RSPO1: variants seen among roughly 807,000 people sequenced by gnomAD.
RSPO1 encodes R-spondin 1, also known as R-spondin-1.
RSPO1 carries 18 observed loss-of-function variants against 26.0 expected under a neutral mutation model. That is an observed-to-expected ratio of 0.69 (90% CI 0.48 to 1.03). The LOEUF is 1.03. Ranked by LOEUF, RSPO1 falls within the 50% of genes least tolerant of loss-of-function variation. RSPO1 has a pLI of 0.00. For missense variants in RSPO1, 309 were observed against 352.3 expected (o/e 0.88, Z 0.98); for synonymous variants, 133 against 137.4 (o/e 0.97, Z 0.22).
At chr1:37,630,343 T>C (rs1223149279) in intron 2 of RSPO1, among the ~76,000 whole-genome samples, 2 of 151,332 alleles carry the variant, frequency 1.3e-5, no homozygotes, top group Non-Finnish European at 3.0e-5. Context: ...TCTCTCTCTG[T>C]CCTTGCATGA....
At position 37,612,502 on chromosome 1, in the gene RSPO1, G is replaced by GTGTA; in HGVS notation, c.*252_*253insTACA. ...GAAGTGTCTTCTGGTGGCCTCAGGT[G>GTGTA]TGTGTGTGTGTGTGTGTGTATGTGT... On this transcript the variant is annotated 3_prime_UTR_variant, in exon 7 of 7. Coordinates refer to ENST00000356545, the MANE Select transcript of RSPO1 (RefSeq NM_001242908.2). 1 of 557,926 alleles carries GTGTA rather than the reference G, an allele frequency of 1.8e-6. No homozygotes were observed. The highest frequency in any genetic ancestry group is 3.2e-6 in the Non-Finnish European group (1 of 309,250). The allele number at this position is 557,926 out of a possible 1,614,324, so 34.6% of individuals were successfully genotyped here. A position where few individuals can be genotyped will look rare whatever the true frequency, so the allele number is the denominator to read the frequency against.
rs1025798090 is a variant in RSPO1, at chr1:37,629,594, C to A, written c.68G>T (p.Gly23Val). 2.5e-6 allele frequency: 4 copies of A among 1,614,152 alleles called. No individual in the cohort carries two copies. In the Admixed American group the frequency reaches 6.7e-5, roughly 27 times the overall value. Residue 23 changes from glycine (G) to valine (V), a missense_variant, in exon 3 of 7, where the codon GGG (glycine) becomes GTG (valine). Physicochemically the swap from Gly to Val is moderately radical, Grantham distance 109 (BLOSUM62 -3). Transcript: ENST00000356545. ...CCGCCTCTGCCTTTTCCCCTTGATC[C>A]CCCGGCTGCTGATGGTGAGGTGCGT... ...SWTHLTISSRGIKGKRQRRIS... is the reference protein window; with the variant it reads ...SWTHLTISSRVIKGKRQRRIS...
intron 2 of RSPO1, among the ~76,000 whole-genome samples, chr1:37,630,978 A>G (rs1334814917): frequency 5.3e-5 from 8 of 152,028 alleles, no homozygotes; most frequent in Admixed American, 5.2e-4. Flanking sequence ...TTTCACATCT[A>G]TAAAATGGGG....
intron 3 of RSPO1, among the ~76,000 whole-genome samples, chr1:37,626,629 G>C (rs1644280320): frequency 6.6e-6 from 1 of 152,182 alleles, no homozygotes; most frequent in African/African-American, 2.4e-5. Flanking sequence ...TTCAGTGAGG[G>C]ATGAGGGACT....
chr1:37,619,562 A>G (rs1027461617), intron 3 of RSPO1, among the ~76,000 whole-genome samples: 7 of 152,228 alleles, frequency 4.6e-5, no homozygotes, highest in African/African-American at 1.7e-4. Flanking sequence ...AGGAAGGAAG[A>G]TGATAACAAA....
intron 3 of RSPO1, among the ~76,000 whole-genome samples, chr1:37,621,458 T>G: frequency 6.7e-6 from 1 of 148,330 alleles, no homozygotes; most frequent in Non-Finnish European, 1.5e-5. Context: ...GGGGAGGGAG[T>G]AGACACACGT....
At chr1:37,617,323 CAAA>C (rs1287232618) in intron 3 of RSPO1, among the ~76,000 whole-genome samples, 1 of 152,016 alleles carries the variant, frequency 6.6e-6, no homozygotes, top group Non-Finnish European at 1.5e-5. Flanking sequence ...TCATTTGGTC[CAAA>C]ATGTTAATGA....
In RSPO1 at chr1:37,614,293, G is replaced by T. The variant is rs758254840; in HGVS notation, c.327C>A (p.Asn109Lys). 4 of 1,613,924 alleles carry T rather than the reference G, an allele frequency of 2.5e-6. No homozygotes were observed. Among genetic ancestry groups the T allele is most frequent in the Non-Finnish European group, 3.4e-6 (4 of 1,180,048 alleles). Residue 109 changes from asparagine to lysine, a missense_variant, in exon 5 of 7, where the codon AAC becomes AAA. Coordinates refer to ENST00000356545, the MANE Select transcript of RSPO1 (RefSeq NM_001242908.2). ...IEHCEACFSH[N>K]FCTKCKEGLY... ...AGCCCTCCTTACACTTGGTGCAGAA[G>T]TTATGGCTGAAGCAGGCCTCACAGT...
intron 3 of RSPO1, among the ~76,000 whole-genome samples, chr1:37,627,068 G>A (rs1023794363): frequency 6.6e-6 from 1 of 152,134 alleles, no homozygotes; most frequent in Admixed American, 6.5e-5. Flanking sequence ...TCCGAAATCA[G>A]ACATGGCTTC....
intron 3 of RSPO1, among the ~76,000 whole-genome samples, chr1:37,624,228 C>T (rs187873964): frequency 3.3e-5 from 5 of 152,196 alleles, no homozygotes; most frequent in African/African-American, 1.2e-4. Context: ...TGAGACCAGC[C>T]TTGGCAACAT....
rs141852811 is a variant in RSPO1, at chr1:37,627,247, T to C, written c.94+2321A>G. On this transcript the variant is annotated intron_variant, in intron 3 of 6. Transcript: ENST00000356545. ...CCAGTGCCCTTCCACGCTTGTCTTA[T>C]CGAGAGGCCAGGCACACACAGCTGT... Among the ~76,000 whole-genome samples the C allele has an allele frequency of 9.6e-4, 146 of 152,172 alleles. 2 individuals carry two copies. The East Asian group carries it at 0.026, about 27-fold the overall frequency.
intron 2 of RSPO1, among the ~76,000 whole-genome samples, chr1:37,631,479 TGA>T (rs1274964977): frequency 6.6e-6 from 1 of 152,216 alleles, no homozygotes; most frequent in African/African-American, 2.4e-5. Flanking sequence ...GATGTCCAGT[TGA>T]GTTTATCAAA....
Position 37,614,279 on chromosome 1 carries a change from C to T in RSPO1, c.341G>A (p.Cys114Tyr). 1.2e-6 allele frequency: 2 copies of T among 1,613,932 alleles called. No homozygotes were observed. The highest frequency in any genetic ancestry group is 1.7e-6 in the Non-Finnish European group (2 of 1,180,046). The change falls in exon 5 of 7, where the codon TGT (cysteine) becomes TAT (tyrosine). Residue 114 changes from cysteine (C) to tyrosine (Y), a missense_variant. Physicochemically the swap from Cys to Tyr is radical, Grantham distance 194 (BLOSUM62 -2). Transcript: ENST00000356545. The part of the protein sequence containing the change: ...ACFSHNFCTK[C>Y]KEGLYLHKGR... ...CTTGTGCAGGTACAAGCCCTCCTTACACTTGGTGCAGAAGTTATGGCTGAA... is the reference window on the plus strand; with the variant it reads ...CTTGTGCAGGTACAAGCCCTCCTTATACTTGGTGCAGAAGTTATGGCTGAA...
intron 3 of RSPO1, among the ~76,000 whole-genome samples, chr1:37,617,126 T>C (rs1161511739): frequency 3.3e-5 from 5 of 152,070 alleles, no homozygotes; most frequent in African/African-American, 7.2e-5. Flanking sequence ...ACAAAGACAA[T>C]TGGAATAATC....
intron 3 of RSPO1, 49 bp downstream of exon 3, chr1:37,629,519 C>T (rs1557439693): frequency 6.5e-7 from 1 of 1,536,888 alleles, no homozygotes; most frequent in East Asian, 2.2e-5. Context: ...CTGGGTGGCC[C>T]CCTCCCATTC....
Position 37,612,503 on chromosome 1 carries a change from T to TGG in RSPO1, c.*251_*252insCC. ...AAGTGTCTTCTGGTGGCCTCAGGTG[T>TGG]GTGTGTGTGTGTGTGTGTATGTGTG... On this transcript the variant is annotated 3_prime_UTR_variant, in exon 7 of 7. Transcript: ENST00000356545. 1.8e-6 allele frequency: 1 copy of TGG among 553,294 alleles called. No homozygotes were observed. Among genetic ancestry groups the TGG allele is most frequent in the Non-Finnish European group, 3.3e-6 (1 of 306,474 alleles). 34.3% of individuals were successfully genotyped at this position (553,294 alleles called of 1,614,324 possible). A position where few individuals can be genotyped will look rare whatever the true frequency, so the allele number is the denominator to read the frequency against.
intron 3 of RSPO1, among the ~76,000 whole-genome samples, chr1:37,623,981 T>C (rs545788574): frequency 1.3e-5 from 2 of 152,106 alleles, no homozygotes; most frequent in East Asian, 3.9e-4. Flanking sequence ...AGGCTGGTCT[T>C]AAACTCCTGA....
intron 3 of RSPO1, among the ~76,000 whole-genome samples, chr1:37,625,723 A>G (rs1644265788): frequency 6.6e-6 from 1 of 151,446 alleles, no homozygotes; most frequent in African/African-American, 2.4e-5. Flanking sequence ...CTGTCACCCA[A>G]GCTGGAGTGT....
In RSPO1 at chr1:37,634,493, G is replaced by T. The variant is rs928661952; in HGVS notation, c.-356+73C>A. On this transcript the variant is annotated intron_variant, in intron 1 of 6. Coordinates refer to ENST00000356545, the MANE Select transcript of RSPO1 (RefSeq NM_001242908.2). This position sits in a 1 kb window ranked among gnomAD's most constrained non-coding sequence, Gnocchi z 4.7. Reference sequence around the variant, plus strand: ...CCAGCTAGAACCAGCCCCGACGGGAGGGCCCGCCGCGCCCCAGCTCCCGGG... The same window carrying T: ...CCAGCTAGAACCAGCCCCGACGGGATGGCCCGCCGCGCCCCAGCTCCCGGG... 6.6e-6 allele frequency: 1 copy of T among 152,372 alleles called. No homozygotes were observed. Among genetic ancestry groups the T allele is most frequent in the African/African-American group, 2.4e-5 (1 of 41,434 alleles). 9.4% of individuals were successfully genotyped at this position (152,372 alleles called of 1,614,324 possible).
Sources: allele counts gnomAD v4.1 joint callset (sites outside exome capture counted in the v4.1 genomes callset), GRCh38; gene constraint gnomAD v4.1.1; non-coding constraint Gnocchi (gnomAD v3.1); transcripts MANE v1.5; gene names NCBI Gene and HGNC (gene_info 2026-07-23, HGNC 2026-07-21).